Variants in SLC8A1 observed in about 807,000 individuals in gnomAD.
SLC8A1 encodes solute carrier family 8 member A1.
In SLC8A1, 18 loss-of-function variants were observed where a neutral mutation model predicts 68.3. The ratio of observed to expected loss-of-function variants is 0.26; its 90% CI spans 0.18 to 0.39. The LOEUF (loss-of-function observed/expected upper bound fraction) is 0.39. Among genes scored for constraint, SLC8A1 ranks in the 10% least tolerant of loss-of-function variants. The probability of loss-of-function intolerance (pLI) is 1.00; values close to 1 mark genes in which losing one functional copy is unlikely to be tolerated. For missense variants in SLC8A1, 985 were observed against 1,156.7 expected (o/e 0.85, Z 2.15); for synonymous variants, 475 against 415.5 (o/e 1.14, Z -1.74).
At chr2:40,351,668 C>T (rs1671142890) in intron 2 of SLC8A1, among the ~76,000 whole-genome samples, 1 of 151,732 alleles carries the variant, frequency 6.6e-6, no homozygotes, top group Non-Finnish European at 1.5e-5. Flanking sequence ...CAACTTTTGG[C>T]ATGCACTAAA....
chr2:40,395,482 A>C (rs2149621026), intron 2 of SLC8A1, among the ~76,000 whole-genome samples: 1 of 152,228 alleles, frequency 6.6e-6, no homozygotes, highest in South Asian at 2.1e-4. Flanking sequence ...TCTCAAGTCA[A>C]ATCCGAAGGC....
chr2:40,264,814 C>T lies in SLC8A1; in HGVS notation c.1809-86959G>A, dbSNP rs1008996042. 2.7e-5 allele frequency among the ~76,000 whole-genome samples: 4 copies of T among 148,502 alleles called. No homozygotes were observed. In the Admixed American group the frequency reaches 2.7e-4, roughly 10 times the overall value. ...TGTATACATATGTAACAAACCTGCACGTTGTGCACATGTACCCTAAAACTT... is the reference window on the plus strand; with the variant it reads ...TGTATACATATGTAACAAACCTGCATGTTGTGCACATGTACCCTAAAACTT... On this transcript the variant is annotated intron_variant, in intron 2 of 7. Transcript: ENST00000406785.
At chr2:40,215,966 G>T (rs1234587897) in intron 2 of SLC8A1, among the ~76,000 whole-genome samples, 4 of 149,812 alleles carry the variant, frequency 2.7e-5, no homozygotes, top group Non-Finnish European at 4.4e-5. Flanking sequence ...AGAATTAATT[G>T]CCAATGGGTG....
intron 1 of SLC8A1, among the ~76,000 whole-genome samples, chr2:40,472,758 G>T (rs1274585712): frequency 6.6e-6 from 1 of 152,112 alleles, no homozygotes; most frequent in Non-Finnish European, 1.5e-5. Context: ...TGTCCTCATG[G>T]AGTTAACATA....
chr2:40,421,692 C>T (rs1481739679), intron 2 of SLC8A1, among the ~76,000 whole-genome samples: 1 of 152,082 alleles, frequency 6.6e-6, no homozygotes, highest in Non-Finnish European at 1.5e-5. Context: ...TGCCTATTCC[C>T]ATATTTAGCC....
intron 2 of SLC8A1, among the ~76,000 whole-genome samples, chr2:40,318,944 T>G (rs370296627): frequency 1.3e-5 from 2 of 152,100 alleles, no homozygotes; most frequent in Non-Finnish European, 2.9e-5. Context: ...CAGATGTTAC[T>G]GTTACTAGAA....
At chr2:40,511,696 G>T (rs1706736126) in intron 1 of SLC8A1, among the ~76,000 whole-genome samples, 1 of 152,026 alleles carries the variant, frequency 6.6e-6, no homozygotes, top group Non-Finnish European at 1.5e-5. Flanking sequence ...AGAAAAAAAA[G>T]AAAGAAGACA....
chr2:40,439,728 T>C (rs1025968963), intron 1 of SLC8A1, among the ~76,000 whole-genome samples: 5 of 152,132 alleles, frequency 3.3e-5, no homozygotes, highest in Non-Finnish European at 2.9e-5. Context: ...AACTTGAGGT[T>C]TTTAAGTCTT....
At chr2:40,341,119 C>T (rs897370308) in intron 2 of SLC8A1, among the ~76,000 whole-genome samples, 9 of 152,080 alleles carry the variant, frequency 5.9e-5, no homozygotes, top group African/African-American at 2.2e-4. Context: ...ACCCTATTGC[C>T]TTGTTTGGTG....
intron 2 of SLC8A1, among the ~76,000 whole-genome samples, chr2:40,300,570 C>G (rs2071270438): frequency 6.6e-6 from 1 of 152,114 alleles, no homozygotes; most frequent in Non-Finnish European, 1.5e-5. Context: ...TTCTTGAGCC[C>G]CACTGTGCCC....
At chr2:40,319,168 C>T (rs959708352) in intron 2 of SLC8A1, among the ~76,000 whole-genome samples, 7 of 152,140 alleles carry the variant, frequency 4.6e-5, no homozygotes, top group South Asian at 4.1e-4. Flanking sequence ...GAAATCCAAG[C>T]GATGGATTGT....
intron 2 of SLC8A1, among the ~76,000 whole-genome samples, chr2:40,216,687 T>C (rs888421436): frequency 5.3e-5 from 8 of 152,206 alleles, no homozygotes; most frequent in Non-Finnish European, 1.0e-4. Flanking sequence ...TTTTTAATAA[T>C]TGCCACTCTG....
chr2:40,243,077 G>C (rs1435359833), intron 2 of SLC8A1, among the ~76,000 whole-genome samples: 1 of 152,186 alleles, frequency 6.6e-6, no homozygotes, highest in Non-Finnish European at 1.5e-5. Flanking sequence ...CAGGAATACA[G>C]ACATTGAAGG....
intron 2 of SLC8A1, among the ~76,000 whole-genome samples, chr2:40,219,187 A>G (rs979111218): frequency 6.6e-6 from 1 of 152,194 alleles, no homozygotes; most frequent in African/African-American, 2.4e-5. Flanking sequence ...ATGGAGATTA[A>G]TCTTTAGAGG....
At chr2:40,428,893 G>C in exon 2 of SLC8A1, 1 of 1,613,768 alleles carries the variant, frequency 6.2e-7, no homozygotes, top group Non-Finnish European at 8.5e-7. Context: ...AAACACCACA[G>C]TTCCTTCAGT....
At chr2:40,297,990 C>T (rs1014600415) in intron 2 of SLC8A1, among the ~76,000 whole-genome samples, 3 of 152,178 alleles carry the variant, frequency 2.0e-5, no homozygotes, top group East Asian at 1.9e-4. Flanking sequence ...AACCGTTCTT[C>T]TGCCTCAGAC....
At chr2:40,446,387 A>C (rs1454301196) in intron 1 of SLC8A1, 1 of 152,214 alleles carries the variant, frequency 6.6e-6, no homozygotes, top group Non-Finnish European at 1.5e-5. Context: ...AGGGTCTAGA[A>C]ACTGCCCTAA....
intron 2 of SLC8A1, 148 bp downstream of exon 3, chr2:40,178,239 C>T: frequency 1.5e-6 from 1 of 687,662 alleles, no homozygotes; most frequent in South Asian, 1.7e-5. Flanking sequence ...TACAGGCCTG[C>T]CTACTGTGGC....
At chr2:40,421,264 T>C (rs116599334) in intron 2 of SLC8A1, among the ~76,000 whole-genome samples, 2 of 152,094 alleles carry the variant, frequency 1.3e-5, no homozygotes, top group African/African-American at 2.4e-5. Flanking sequence ...ACCATGACCA[T>C]CTTCCTCATT....
Sources: allele counts gnomAD v4.1 joint callset (sites outside exome capture counted in the v4.1 genomes callset), GRCh38; gene constraint gnomAD v4.1.1; transcripts MANE v1.5; gene names NCBI Gene and HGNC (gene_info 2026-07-23, HGNC 2026-07-21).